CABP5: variants seen among roughly 807,000 people sequenced by gnomAD.
CABP5 encodes calcium-binding protein 5.
CABP5 carries 17 observed loss-of-function variants against 21.9 expected under a neutral mutation model. The ratio of observed to expected loss-of-function variants is 0.78; its 90% CI spans 0.53 to 1.17. The LOEUF (loss-of-function observed/expected upper bound fraction) is 1.17. Ranked by LOEUF, CABP5 falls within the 50% of genes most tolerant of loss-of-function variation. CABP5 has a pLI of 0.00. For synonymous variants in CABP5, 85 were observed against 79.4 expected, an observed-to-expected ratio of 1.07 and a Z score of -0.37; for missense variants, 229 against 228.9, an observed-to-expected ratio of 1.00 and a Z score of 0.00.
In CABP5 at chr19:48,037,088, T is replaced by C. The variant is rs140731726; in HGVS notation, c.348+2120A>G. The stretch of plus-strand genomic sequence containing the variant: ...CCATATGACCCAGCAATACCACTTC[T>C]GGGTATGTATCTAAAGTAATTGAAA... On this transcript the variant is annotated intron_variant, in intron 4 of 5. Coordinates refer to ENST00000293255, the MANE Select transcript of CABP5 (RefSeq NM_019855.5). Among the ~76,000 whole-genome samples the C allele has an allele frequency of 1.8e-3, 274 of 152,172 alleles. 1 individual carries two copies. Among genetic ancestry groups the C allele is most frequent in the Non-Finnish European group, 3.3e-3 (227 of 67,994 alleles).
intron 3 of CABP5, among the ~76,000 whole-genome samples, 168 bp from the exon 4 acceptor site, chr19:48,039,485 C>T (rs1334110780): frequency 6.6e-6 from 1 of 152,132 alleles, no homozygotes; most frequent in Non-Finnish European, 1.5e-5. Context: ...TCATGTCCCT[C>T]TAGCCTGAAC....
intron 1 of CABP5, among the ~76,000 whole-genome samples, chr19:48,042,559 C>T (rs1967494215): frequency 7.0e-6 from 1 of 143,420 alleles, no homozygotes. Context: ...CCCTTATCAC[C>T]CTTTTTTTCA....
At chr19:48,034,528 TTTTCTTTTTTTC>T (rs1967383273) in intron 4 of CABP5, among the ~76,000 whole-genome samples, 166 bp from the exon 5 acceptor site, 1 of 132,942 alleles carries the variant, frequency 7.5e-6, no homozygotes, top group South Asian at 2.5e-4. Flanking sequence ...CTGTTTTTTT[TTTTCTTTTTTTC>T]TTTCTTTTTT....
At chr19:48,033,842 C>G (rs974864785) in intron 5 of CABP5, among the ~76,000 whole-genome samples, 1 of 152,112 alleles carries the variant, frequency 6.6e-6, no homozygotes, top group Non-Finnish European at 1.5e-5. Context: ...AGCCCCTGAA[C>G]CTGACCCCAG....
Position 48,029,975 on chromosome 19 carries a change from A to G in CABP5, c.*582T>C, listed in dbSNP as rs1967318787. On this transcript the variant is annotated 3_prime_UTR_variant, in exon 6 of 6. Transcript: ENST00000293255. Reference sequence around the variant, plus strand: ...GACTGATTTGCATCCTTTTTATTTCATTTTGTATTTCTATAGATTTAGGGA... The same window carrying G: ...GACTGATTTGCATCCTTTTTATTTCGTTTTGTATTTCTATAGATTTAGGGA... 1.3e-5 allele frequency: 2 copies of G among 152,040 alleles called. No homozygotes were observed. Among genetic ancestry groups the G allele is most frequent in the Non-Finnish European group, 2.9e-5 (2 of 68,014 alleles). 9.4% of individuals were successfully genotyped at this position (152,040 alleles called of 1,614,324 possible).
chr19:48,041,635 G>C, intron 1 of CABP5, 32 bp from the exon 2 acceptor site: 1 of 1,604,732 alleles, frequency 6.2e-7, no homozygotes, highest in Non-Finnish European at 8.5e-7. Context: ...AGGGAATTTG[G>C]AGAGAGGGTC....
Position 48,029,796 on chromosome 19 carries a change from GAC to G in CABP5, c.*759_*760del, listed in dbSNP as rs369751395. Among the ~76,000 whole-genome samples, 6,937 of 124,694 alleles carry G rather than the reference GAC, an allele frequency of 0.056. 184 individuals are homozygous for G. The highest frequency in any genetic ancestry group is 0.071 in the Admixed American group (783 of 10,954). The allele number at this position is 124,694 out of a possible 152,430, so 81.8% of individuals were successfully genotyped here. ...GTGGGAGGGGAGACAGAGACAGACAGACAGAGAGAGAGAGAGAGAGAGAGAGA... is the reference window on the plus strand; with the variant it reads ...GTGGGAGGGGAGACAGAGACAGACAGAGAGAGAGAGAGAGAGAGAGAGAGA... On this transcript the variant is annotated 3_prime_UTR_variant, in exon 6 of 6. Coordinates refer to ENST00000293255, the MANE Select transcript of CABP5 (RefSeq NM_019855.5).
At chr19:48,039,703 CTTTTT>C (rs772482700) in intron 3 of CABP5, among the ~76,000 whole-genome samples, 1 of 59,226 alleles carries the variant, frequency 1.7e-5, no homozygotes, top group Non-Finnish European at 2.9e-5. Context: ...AACCCAATAG[CTTTTT>C]TTTTTTTTTT....
chr19:48,042,447 A>C (rs1967492878), intron 1 of CABP5, among the ~76,000 whole-genome samples: 1 of 152,156 alleles, frequency 6.6e-6, no homozygotes, highest in Non-Finnish European at 1.5e-5. Context: ...GCATGTTAAC[A>C]AGGAAATTCT....
chr19:48,041,487 A>G, intron 2 of CABP5, 86 bp downstream of exon 2: 3 of 1,274,208 alleles, frequency 2.4e-6, no homozygotes, highest in Non-Finnish European at 3.4e-6. Flanking sequence ...CATGTAATGG[A>G]ATTTATACGG....
chr19:48,041,414 G>A, intron 2 of CABP5, 159 bp downstream of exon 2: 2 of 731,312 alleles, frequency 2.7e-6, no homozygotes, highest in Non-Finnish European at 4.7e-6. Flanking sequence ...TCCTTCAACT[G>A]CCACGAGAAA....
chr19:48,031,666 G>A (rs1301279308), intron 5 of CABP5, among the ~76,000 whole-genome samples: 1 of 152,122 alleles, frequency 6.6e-6, no homozygotes, highest in Non-Finnish European at 1.5e-5. Flanking sequence ...ACATACCTGA[G>A]GCCACGTGGA....
At chr19:48,039,597 G>C (rs1967453778) in intron 3 of CABP5, among the ~76,000 whole-genome samples, 1 of 144,258 alleles carries the variant, frequency 6.9e-6, no homozygotes, top group African/African-American at 2.6e-5. Flanking sequence ...ACAAAGAGGA[G>C]CATGAATTAA....
At chr19:48,036,085 A>C (rs1345824291) in intron 4 of CABP5, among the ~76,000 whole-genome samples, 1 of 152,090 alleles carries the variant, frequency 6.6e-6, no homozygotes, top group Non-Finnish European at 1.5e-5. Context: ...CAAGAAGGAG[A>C]GTTCACTCCC....
intron 4 of CABP5, among the ~76,000 whole-genome samples, chr19:48,034,700 C>T (rs1967387316): frequency 6.6e-6 from 1 of 151,940 alleles, no homozygotes; most frequent in South Asian, 2.1e-4. Context: ...CGCGCACCAC[C>T]AAACCTGTTT....
At chr19:48,042,709 G>T (rs1355157401) in intron 1 of CABP5, among the ~76,000 whole-genome samples, 1 of 151,808 alleles carries the variant, frequency 6.6e-6, no homozygotes, top group Non-Finnish European at 1.5e-5. Flanking sequence ...CGAGTAGCTG[G>T]GATTACAGGC....
At position 48,043,402 on chromosome 19, in the gene CABP5, T is replaced by C. The variant is rs903340792; in HGVS notation, c.63+458A>G. On this transcript the variant is annotated intron_variant, in intron 1 of 5. Coordinates refer to ENST00000293255, the MANE Select transcript of CABP5 (RefSeq NM_019855.5). Reference sequence around the variant, plus strand: ...CCTGTAAAATGGGAATGAAAGTCACTGACCTCATGAGTTGTTCTGAGGTGT... The same window carrying C: ...CCTGTAAAATGGGAATGAAAGTCACCGACCTCATGAGTTGTTCTGAGGTGT... Among the ~76,000 whole-genome samples the C allele has an allele frequency of 2.0e-5, 3 of 150,340 alleles. No individual in the cohort carries two copies. The South Asian group carries it at 6.4e-4, about 32-fold the overall frequency.
intron 5 of CABP5, 108 bp downstream of exon 5, chr19:48,034,107 T>C (rs993999793): frequency 8.9e-7 from 1 of 1,119,810 alleles, no homozygotes; most frequent in Non-Finnish European, 1.2e-6. Flanking sequence ...ATTCTCAAAC[T>C]TGGAGAGGAG....
At chr19:48,032,719 C>T (rs1420188228) in intron 5 of CABP5, among the ~76,000 whole-genome samples, 1 of 151,890 alleles carries the variant, frequency 6.6e-6, no homozygotes, top group Admixed American at 6.6e-5. Flanking sequence ...CAGCCTCCAC[C>T]TCCTGGGTTC....
Sources: allele counts gnomAD v4.1 joint callset (sites outside exome capture counted in the v4.1 genomes callset), GRCh38; gene constraint gnomAD v4.1.1; transcripts MANE v1.5; gene names NCBI Gene and HGNC (gene_info 2026-07-23, HGNC 2026-07-21).